The following USP4 variants were observed in gnomAD, a reference collection of about 807,000 sequenced individuals.
The protein encoded by USP4 is ubiquitin carboxyl-terminal hydrolase 4.
Under a neutral mutation model 118.2 loss-of-function variants are expected in USP4, and 72 were observed. The ratio of observed to expected loss-of-function variants is 0.61; its 90% CI spans 0.50 to 0.74. The LOEUF (loss-of-function observed/expected upper bound fraction) is 0.74, where lower values mean the gene tolerates loss of function less well. Among genes scored for constraint, USP4 ranks in the 30% least tolerant of loss-of-function variants. The pLI is 0.00. For missense variants in USP4, 1,037 were observed against 1,185.7 expected, an observed-to-expected ratio of 0.87 and a Z score of 1.84; for synonymous variants, 415 against 440.4, an observed-to-expected ratio of 0.94 and a Z score of 0.72.
chr3:49,280,647 A>G (rs771074630), intron 20 of USP4, 97 bp downstream of exon 20: 4 of 936,328 alleles, frequency 4.3e-6, no homozygotes, highest in Non-Finnish European at 5.1e-6. Flanking sequence ...GTGAAACTGC[A>G]TAAGCAAAGC....
In USP4 at chr3:49,327,751, C is replaced by A; in HGVS notation, c.295G>T (p.Glu99Ter). ...CAGTTTAGTAGTTTATTCCACGCCT[C>A]GGTAGGGACCAATACATAGTCCAAT... ...DELDYVLVPT[E>*]AWNKLLNWYG... The change falls in exon 3 of 22, where the codon GAG (glutamate) becomes TAG (stop). Residue 99 changes from glutamate (E) to a stop codon, truncating the protein, a stop_gained. Transcript: ENST00000265560. LOFTEE classifies it high-confidence loss of function. The A allele has an allele frequency of 6.2e-7, 1 of 1,613,976 alleles. No homozygotes were observed. The highest frequency in any genetic ancestry group is 8.5e-7 in the Non-Finnish European group (1 of 1,179,878).
chr3:49,318,192 C>T, intron 6 of USP4: 1 of 412,540 alleles, frequency 2.4e-6, no homozygotes, highest in African/African-American at 2.2e-5. Flanking sequence ...TGGTCTCAAA[C>T]TCCTGGGCTC....
rs147532914 is a variant in USP4, at chr3:49,284,565, C to G, written c.2291G>C (p.Ser764Thr). The change falls in exon 18 of 22, where the codon AGC (serine) becomes ACC (threonine). Residue 764 changes from serine (S) to threonine (T), a missense_variant. Physicochemically the swap from Ser to Thr is moderately conservative, Grantham distance 58. Coordinates refer to ENST00000265560, the MANE Select transcript of USP4 (RefSeq NM_003363.4). Reference protein sequence around the residue: ...QESEAYEKHVSMLQPQKKKKT... With the variant: ...QESEAYEKHVTMLQPQKKKKT... ...CTTCTTCTTCTGAGGCTGCAACATG[C>G]TCACATGCTTCTCGTAGGCCTATGG... 3.5e-5 allele frequency: 57 copies of G among 1,614,096 alleles called. No homozygotes were observed. The African/African-American group carries it at 6.9e-4, about 20-fold the overall frequency.
chr3:49,304,038 G>A (rs1434674725), intron 9 of USP4, among the ~76,000 whole-genome samples: 1 of 152,118 alleles, frequency 6.6e-6, no homozygotes, highest in Admixed American at 6.6e-5. Context: ...CAGGTGTGAG[G>A]CACCGCACCC....
intron 6 of USP4, among the ~76,000 whole-genome samples, chr3:49,316,030 C>T (rs1388586108): frequency 6.6e-6 from 1 of 151,944 alleles, no homozygotes; most frequent in East Asian, 1.9e-4. Flanking sequence ...ACAGAGGAAC[C>T]CCATCTCTAC....
In USP4 at chr3:49,300,523, C is replaced by A; in HGVS notation, c.1456G>T (p.Asp486Tyr). 1 of 1,614,176 alleles carries A rather than the reference C, an allele frequency of 6.2e-7. No individual in the cohort carries two copies. Among genetic ancestry groups the A allele is most frequent in the South Asian group, 1.1e-5 (1 of 91,084 alleles). The change falls in exon 11 of 22, where the codon GAT becomes TAT. Residue 486 changes from aspartate to tyrosine, a missense_variant. Physicochemically the swap from Asp to Tyr is radical, Grantham distance 160. Coordinates refer to ENST00000265560, the MANE Select transcript of USP4 (RefSeq NM_003363.4). ...YLTLPLPLKK[D>Y]RVMEVFLVPA... ...ACCAGGAAAACCTCCATAACTCGAT[C>A]TTTCTTCAAGGGCAGTGGCAGCGTT...
At chr3:49,305,006 C>A (rs1241231120) in intron 9 of USP4, among the ~76,000 whole-genome samples, 1 of 151,616 alleles carries the variant, frequency 6.6e-6, no homozygotes, top group Non-Finnish European at 1.5e-5. Context: ...TCGTGATCTG[C>A]CCGCCTCAGC....
intron 11 of USP4, among the ~76,000 whole-genome samples, chr3:49,299,079 TTC>T (rs2047237725): frequency 1.3e-5 from 2 of 151,678 alleles, no homozygotes; most frequent in South Asian, 4.2e-4. Flanking sequence ...GGCCTCAACT[TTC>T]TTTTTTTTCT....
intron 9 of USP4, among the ~76,000 whole-genome samples, chr3:49,303,399 C>T (rs1241312113): frequency 6.8e-6 from 1 of 146,110 alleles, no homozygotes; most frequent in Non-Finnish European, 1.5e-5. Flanking sequence ...CGAAATTGTG[C>T]CAGTACGCTC....
chr3:49,284,550 T>A lies in USP4; in HGVS notation c.2306A>T (p.Gln769Leu), dbSNP rs1341839442. The change falls in exon 18 of 22, where the codon CAG (glutamine) becomes CTG (leucine). Residue 769 changes from glutamine to leucine, a missense_variant. By Grantham distance (113) the Gln-to-Leu change is moderately radical. Transcript: ENST00000265560. ...GGCCACTGTGGTCTTCTTCTTCTTC[T>A]GAGGCTGCAACATGCTCACATGCTT... ...YEKHVSMLQP[Q>L]KKKKTTVALR... 1 of 1,614,098 alleles carries A rather than the reference T, an allele frequency of 6.2e-7. No individual in the cohort carries two copies.
At chr3:49,328,560 T>A (rs988249473) in intron 2 of USP4, among the ~76,000 whole-genome samples, 2 of 152,012 alleles carry the variant, frequency 1.3e-5, no homozygotes, top group African/African-American at 4.8e-5. Flanking sequence ...AGTTTTATCA[T>A]AAGATTAAAG....
chr3:49,323,449 T>G (rs2047521890), intron 6 of USP4, among the ~76,000 whole-genome samples: 1 of 152,170 alleles, frequency 6.6e-6, no homozygotes, highest in Admixed American at 6.6e-5. Context: ...TAATCCCATC[T>G]GCAAAGTCCC....
chr3:49,278,598 G>C (rs2046985893), intron 21 of USP4, 147 bp from the exon 22 acceptor site: 1 of 1,045,820 alleles, frequency 9.6e-7, no homozygotes, highest in African/African-American at 1.6e-5. Flanking sequence ...GCCCCTGCCA[G>C]GCAGCAGGAA....
intron 6 of USP4, among the ~76,000 whole-genome samples, chr3:49,320,017 A>T (rs1238268632): frequency 1.3e-5 from 2 of 152,094 alleles, no homozygotes; most frequent in African/African-American, 4.8e-5. Context: ...CCTGTGCTCA[A>T]GGGATCCTCC....
chr3:49,296,433 A>G (rs2047209755), intron 13 of USP4, among the ~76,000 whole-genome samples: 1 of 152,122 alleles, frequency 6.6e-6, no homozygotes, highest in African/African-American at 2.4e-5. Context: ...GTGGATCACG[A>G]GGTCAGGAGA....
chr3:49,282,542 G>A (rs2047043922), intron 19 of USP4, among the ~76,000 whole-genome samples: 1 of 152,122 alleles, frequency 6.6e-6, no homozygotes, highest in Non-Finnish European at 1.5e-5. Context: ...CTCCCAAAGT[G>A]CTGGGATTAC....
intron 6 of USP4, chr3:49,318,690 C>T (rs2047467089): frequency 1.1e-6 from 1 of 895,680 alleles, no homozygotes; most frequent in African/African-American, 1.8e-5. Context: ...GGGTGGATCA[C>T]CTGAGGCCAG....
chr3:49,310,818 G>T, intron 7 of USP4, 81 bp from the exon 8 acceptor site: 2 of 1,097,994 alleles, frequency 1.8e-6, no homozygotes, highest in Non-Finnish European at 2.8e-6. Context: ...CTCCTATGGG[G>T]GCCTCTAGAA....
chr3:49,313,292 TGAG>T (rs1457152298), intron 6 of USP4, among the ~76,000 whole-genome samples: 9 of 152,014 alleles, frequency 5.9e-5, no homozygotes, highest in African/African-American at 1.7e-4. Context: ...TTTGGGAGGC[TGAG>T]GTGGGTGGAT....
Sources: allele counts gnomAD v4.1 joint callset (sites outside exome capture counted in the v4.1 genomes callset), GRCh38; gene constraint gnomAD v4.1.1; transcripts MANE v1.5; gene names NCBI Gene and HGNC (gene_info 2026-07-23, HGNC 2026-07-21).